Variants in PTPN4 observed in about 807,000 individuals in gnomAD.
The protein encoded by PTPN4 is protein tyrosine phosphatase non-receptor type 4.
A neutral mutation model predicts 135.5 loss-of-function variants in PTPN4; 49 were observed. That is an observed-to-expected ratio of 0.36 (90% CI 0.29 to 0.46). The LOEUF is 0.46. Among genes scored for constraint, PTPN4 ranks in the 20% least tolerant of loss-of-function variants. PTPN4 has a pLI of 1.00. For missense variants in PTPN4, 860 were observed against 1,101.0 expected (o/e 0.78, Z 3.10); for synonymous variants, 333 against 369.9 (o/e 0.90, Z 1.14).
chr2:119,897,387 T>C (rs2105012884), intron 9 of PTPN4, among the ~76,000 whole-genome samples: 1 of 152,314 alleles, frequency 6.6e-6, no homozygotes, highest in East Asian at 1.9e-4. Context: ...GTGTGGGTGC[T>C]AAGGATGCTT....
At chr2:119,812,367 T>C (rs1676904885) in intron 2 of PTPN4, among the ~76,000 whole-genome samples, 1 of 152,180 alleles carries the variant, frequency 6.6e-6, no homozygotes, top group African/African-American at 2.4e-5. Flanking sequence ...TCAGTTTCCT[T>C]TGGAGACTAC....
chr2:119,940,999 G>A (rs1574414161), intron 15 of PTPN4, among the ~76,000 whole-genome samples: 1 of 152,086 alleles, frequency 6.6e-6, no homozygotes, highest in African/African-American at 2.4e-5. Context: ...TCTCTTTCTT[G>A]AGGGTACCAG....
intron 2 of PTPN4, among the ~76,000 whole-genome samples, chr2:119,854,556 G>T (rs564027816): frequency 1.3e-5 from 2 of 152,138 alleles, no homozygotes; most frequent in African/African-American, 4.8e-5. Context: ...AGCAGCTAGG[G>T]TTCCTCTTGG....
At chr2:119,778,136 C>A (rs922118426) in intron 1 of PTPN4, among the ~76,000 whole-genome samples, 4 of 151,500 alleles carry the variant, frequency 2.6e-5, no homozygotes, top group African/African-American at 9.7e-5. Flanking sequence ...TCTTTTTAGA[C>A]AAAAATAAAA....
At chr2:119,914,248 A>ATTTTTTTTTTGTTTTTTTTTTTTTT (rs1678616087) in intron 10 of PTPN4, among the ~76,000 whole-genome samples, 1 of 97,432 alleles carries the variant, frequency 1.0e-5, no homozygotes, top group African/African-American at 5.9e-5. Flanking sequence ...TAGTTACTCA[A>ATTTTTTTTTTGTTTTTTTTTTTTTT]TTTTTTTTTT....
In PTPN4 at chr2:119,932,485, A is replaced by G. The variant is rs757119197; in HGVS notation, c.1132A>G (p.Ile378Val). The G allele has an allele frequency of 1.6e-5, 26 of 1,611,524 alleles. 1 individual carries two copies. Among genetic ancestry groups the G allele is most frequent in the South Asian group, 8.8e-5 (8 of 90,956 alleles). The change falls in exon 14 of 27, where the codon ATA (isoleucine) becomes GTA (valine). Residue 378 changes from isoleucine to valine, a missense_variant. Ile to Val is a conservative substitution (Grantham distance 29, BLOSUM62 3). Around this residue, in one of 2 missense-constraint regions of PTPN4, gnomAD observed 684 missense variants for 807.0 expected, o/e 0.85. Transcript: ENST00000263708. ...TTGGGAAGTAGTAAGCAGAAATTCA[A>G]TATCTGATGACAGGTTAGAAACACA... is the stretch of plus-strand genomic sequence containing the variant. ...MDWEVVSRNS[I>V]SDDRLETQSL...
intron 9 of PTPN4, among the ~76,000 whole-genome samples, chr2:119,888,615 G>C (rs553962078): frequency 6.6e-6 from 1 of 152,186 alleles, no homozygotes; most frequent in East Asian, 1.9e-4. Flanking sequence ...CTGTTCTTGT[G>C]ATATATCATG....
rs756948809 is a variant in PTPN4, at chr2:119,960,916, T to C, written c.2243T>C (p.Met748Thr). 1 of 1,613,928 alleles carries C rather than the reference T, an allele frequency of 6.2e-7. No individual in the cohort carries two copies. The highest frequency in any genetic ancestry group is 8.5e-7 in the Non-Finnish European group (1 of 1,179,934). Residue 748 changes from methionine (M) to threonine (T), a missense_variant, in exon 23 of 27, where the codon ATG becomes ACG. Physicochemically the swap from Met to Thr is moderately conservative, Grantham distance 81. This residue lies in a region of PTPN4 where 176 missense variants were observed against 294.1 expected (regional missense o/e 0.60). Coordinates refer to ENST00000263708, the MANE Select transcript of PTPN4 (RefSeq NM_002830.4). ...WQMTWEQGSS[M>T]VVMLTTQVER... ...ATGACTTGGGAACAAGGCTCCTCTA[T>C]GGTTGTAATGTTGACCACACAAGTT...
At chr2:119,807,862 G>A (rs1054487092) in intron 1 of PTPN4, among the ~76,000 whole-genome samples, 4 of 152,092 alleles carry the variant, frequency 2.6e-5, no homozygotes, top group Non-Finnish European at 5.9e-5. Context: ...GAGCATATCA[G>A]AAAGCTTATC....
In PTPN4 at chr2:119,920,252, C is replaced by G; in HGVS notation, c.1001+11C>G. 1.9e-6 allele frequency: 3 copies of G among 1,593,576 alleles called. No homozygotes were observed. The highest frequency in any genetic ancestry group is 2.6e-6 in the Non-Finnish European group (3 of 1,166,680). On this transcript the variant is annotated intron_variant, in intron 12 of 26. Transcript: ENST00000263708. ...AAAATTCCGGTACTGGTAAGTATTGCTTCTGTGTTAAGGCTTTATTGTTGG... is the reference window on the plus strand; with the variant it reads ...AAAATTCCGGTACTGGTAAGTATTGGTTCTGTGTTAAGGCTTTATTGTTGG...
At chr2:119,895,518 T>C (rs2105011539) in intron 9 of PTPN4, among the ~76,000 whole-genome samples, 1 of 152,212 alleles carries the variant, frequency 6.6e-6, no homozygotes, top group Middle Eastern at 3.4e-3. Context: ...TGGGTGCCTG[T>C]AATCCCAGCT....
Position 119,982,269 on chromosome 2 carries a change from ACTT to A in PTPN4, c.*5203_*5205del, listed in dbSNP as rs1679706873. ...TATGGACAGAAGGTTGAAACTGTTA[ACTT>A]CTTTAATTTCATTGTTTAAAGGAGA... On this transcript the variant is annotated 3_prime_UTR_variant, in exon 27 of 27. Transcript: ENST00000263708. 6.6e-6 allele frequency: 1 copy of A among 152,134 alleles called. No individual in the cohort carries two copies. The highest frequency in any genetic ancestry group is 1.5e-5 in the Non-Finnish European group (1 of 68,008). The allele number at this position is 152,134 out of a possible 1,614,324, so 9.4% of individuals were successfully genotyped here.
chr2:119,802,695 G>A (rs1691398257), intron 1 of PTPN4, among the ~76,000 whole-genome samples: 1 of 152,038 alleles, frequency 6.6e-6, no homozygotes. Context: ...GTTTTTGTCT[G>A]TTTTTTCCAT....
At chr2:119,904,152 A>G (rs1678450111) in intron 10 of PTPN4, among the ~76,000 whole-genome samples, 1 of 152,208 alleles carries the variant, frequency 6.6e-6, no homozygotes, top group Non-Finnish European at 1.5e-5. Flanking sequence ...ATGATATATG[A>G]CAGCTTGACA....
At chr2:119,949,651 G>A (rs1378067213) in intron 18 of PTPN4, among the ~76,000 whole-genome samples, 3 of 152,066 alleles carry the variant, frequency 2.0e-5, no homozygotes, top group Admixed American at 1.3e-4. Flanking sequence ...GACTACCCTG[G>A]GCAACATAGT....
chr2:119,906,663 T>C (rs747777072), intron 10 of PTPN4, among the ~76,000 whole-genome samples: 1 of 152,120 alleles, frequency 6.6e-6, no homozygotes, highest in Non-Finnish European at 1.5e-5. Context: ...AAGAAACATA[T>C]CTTGACACAA....
chr2:119,883,325 A>G (rs1678107260), intron 8 of PTPN4, among the ~76,000 whole-genome samples: 1 of 152,190 alleles, frequency 6.6e-6, no homozygotes, highest in Non-Finnish European at 1.5e-5. Flanking sequence ...TGCATTAAGT[A>G]TATGCAAATA....
chr2:119,881,378 TCAGACCAGCGAAAATCA>T (rs1419203098), intron 5 of PTPN4, among the ~76,000 whole-genome samples: 4 of 152,224 alleles, frequency 2.6e-5, no homozygotes, highest in Non-Finnish European at 4.4e-5. Context: ...GCTTTCTATC[TCAGACCAGCGAAAATCA>T]TCGCTGGTCT....
chr2:119,957,395 C>T (rs1679304089), intron 22 of PTPN4, among the ~76,000 whole-genome samples: 1 of 152,076 alleles, frequency 6.6e-6, no homozygotes, highest in Non-Finnish European at 1.5e-5. Context: ...ACAGGAGCCC[C>T]CAACCCCTGG....
Sources: allele counts gnomAD v4.1 joint callset (sites outside exome capture counted in the v4.1 genomes callset), GRCh38; gene constraint gnomAD v4.1.1; regional missense constraint gnomAD v4.1.1; transcripts MANE v1.5; gene names NCBI Gene and HGNC (gene_info 2026-07-23, HGNC 2026-07-21).